Variants in OR1L8 observed in about 807,000 individuals in gnomAD.
The protein encoded by OR1L8 is olfactory receptor 1L8.
For synonymous variants in OR1L8, 148 were observed against 147.0 expected (o/e 1.01, Z -0.05); for missense variants, 330 against 377.4 (o/e 0.87, Z 1.04).
intron 1 of OR1L8, among the ~76,000 whole-genome samples, chr9:122,581,164 G>A (rs1473930916): frequency 6.6e-6 from 1 of 151,948 alleles, no homozygotes; most frequent in Non-Finnish European, 1.5e-5. Context: ...TCAGGAGATC[G>A]AGACCATCCT....
chr9:122,576,354 T>C (rs1243544853), intron 3 of OR1L8, among the ~76,000 whole-genome samples: 2 of 151,770 alleles, frequency 1.3e-5, no homozygotes, highest in Non-Finnish European at 2.9e-5. Flanking sequence ...CCCAAGTAGC[T>C]GGGATTACAG....
chr9:122,568,258 A>C lies in OR1L8; in HGVS notation c.220T>G (p.Phe74Val). The C allele has an allele frequency of 6.2e-7, 1 of 1,614,072 alleles. No individual in the cohort carries two copies. Among genetic ancestry groups the C allele is most frequent in the South Asian group, 1.1e-5 (1 of 91,064 alleles). ...LSFLSLTDIC[F>V]TTSVVPKMLM... ...ATCTTGGGGACAACGCTTGTTGTAAAGCAAATATCAGTGAGAGACAGAAAA... is the reference window on the plus strand; with the variant it reads ...ATCTTGGGGACAACGCTTGTTGTAACGCAAATATCAGTGAGAGACAGAAAA... The change falls in exon 5 of 5, where the codon TTT (phenylalanine) becomes GTT (valine). Residue 74 changes from phenylalanine to valine, a missense_variant. Coordinates refer to ENST00000641027, the MANE Select transcript of OR1L8 (RefSeq NM_001004454.2).
chr9:122,566,714 C>A (rs1239368276), downstream of OR1L8, among the ~76,000 whole-genome samples: 1 of 152,094 alleles, frequency 6.6e-6, no homozygotes, highest in East Asian at 1.9e-4. Context: ...ATTCAATACA[C>A]ATTTACAATA....
downstream of OR1L8, among the ~76,000 whole-genome samples, chr9:122,564,712 T>G (rs1008050952): frequency 6.6e-6 from 1 of 152,200 alleles, no homozygotes; most frequent in African/African-American, 2.4e-5. Flanking sequence ...AATTAACATT[T>G]CCTGGTACCT....
rs1829484404 is a variant in OR1L8 at position 122,568,690 on chromosome 9, C to A, written c.-212-1G>T. On this transcript the variant is annotated splice_acceptor_variant, in intron 4 of 4. Coordinates refer to ENST00000641027, the MANE Select transcript of OR1L8 (RefSeq NM_001004454.2). LOFTEE classifies it low-confidence loss of function (5UTR_SPLICE). ...CTCCATAAGGGCATTATATTGAAAT[C>A]TGGAGGGACAGAGGGAGAGTTTTCC... is the stretch of plus-strand genomic sequence containing the variant. 2 of 461,666 alleles carry A rather than the reference C, an allele frequency of 4.3e-6. No individual in the cohort carries two copies. The highest frequency in any genetic ancestry group is 7.5e-6 in the Non-Finnish European group (2 of 264,976). The allele number at this position is 461,666 out of a possible 1,614,324, so 28.6% of individuals were successfully genotyped here. A position where few individuals can be genotyped will look rare whatever the true frequency, so the allele number is the denominator to read the frequency against.
At chr9:122,547,032 G>A in the OR1L8 span, among the ~76,000 whole-genome samples, 1 of 151,818 alleles carries the variant, frequency 6.6e-6, no homozygotes, top group Non-Finnish European at 1.5e-5. Flanking sequence ...CAGTGGTATA[G>A]AACACTAGAA....
At position 122,568,092 on chromosome 9, in the gene OR1L8, T is replaced by G. The variant is rs1829468465; in HGVS notation, c.386A>C (p.Asp129Ala). 1 of 1,613,634 alleles carries G rather than the reference T, an allele frequency of 6.2e-7. No individual in the cohort carries two copies. Among genetic ancestry groups the G allele is most frequent in the Admixed American group, 1.7e-5 (1 of 59,974 alleles). The change falls in exon 5 of 5, where the codon GAC (aspartate) becomes GCC (alanine). Residue 129 changes from aspartate to alanine, a missense_variant. By Grantham distance (126) the Asp-to-Ala change is moderately radical. Coordinates refer to ENST00000641027, the MANE Select transcript of OR1L8 (RefSeq NM_001004454.2). ...CATGGTGGTGACATAGTGGAAAGGG[T>G]CACAGACGGCCACATAGCGGTCAAA... is the stretch of plus-strand genomic sequence containing the variant. ...MAFDRYVAVCDPFHYVTTMSH... is the reference protein window; with the variant it reads ...MAFDRYVAVCAPFHYVTTMSH...
chr9:122,565,517 C>T (rs1829413726), downstream of OR1L8, among the ~76,000 whole-genome samples: 1 of 152,226 alleles, frequency 6.6e-6, no homozygotes, highest in Non-Finnish European at 1.5e-5. Context: ...GACCTGGCCA[C>T]TGCCACCTTT....
Position 122,581,379 on chromosome 9 carries a change from A to C in OR1L8, c.-600+1942T>G, listed in dbSNP as rs1008135775. On this transcript the variant is annotated intron_variant, in intron 1 of 4. Transcript: ENST00000641027. ...GACTCCGTCTCAAAACAAAACAAAAAAAAAGTGACAAATATTATATTATGA... is the reference window on the plus strand; with the variant it reads ...GACTCCGTCTCAAAACAAAACAAAACAAAAGTGACAAATATTATATTATGA... Among the ~76,000 whole-genome samples, 59 of 152,188 alleles carry C rather than the reference A, an allele frequency of 3.9e-4. 1 individual carries two copies. Among genetic ancestry groups the C allele is most frequent in the African/African-American group, 1.0e-3 (42 of 41,512 alleles).
chr9:122,556,105 G>A, the OR1L8 span, among the ~76,000 whole-genome samples: 2 of 152,120 alleles, frequency 1.3e-5, no homozygotes, highest in East Asian at 1.9e-4. Context: ...TTCCCAGAAT[G>A]TTATGTAGTT....
chr9:122,567,786 G>A lies in OR1L8; in HGVS notation c.692C>T (p.Ser231Phe), dbSNP rs770325900. Residue 231 changes from serine (S) to phenylalanine (F), a missense_variant, in exon 5 of 5, where the codon TCT becomes TTT. Ser to Phe is a radical substitution (Grantham distance 155). Transcript: ENST00000641027. ...RILTTVLKIP[S>F]TSGKRKAFST... ...GAAGGCTTTGCGTTTCCCAGAAGTA[G>A]AGGGAATCTTGAGAACTGTAGTGAG... is the stretch of plus-strand genomic sequence containing the variant. 3 of 1,614,000 alleles carry A rather than the reference G, an allele frequency of 1.9e-6. No homozygotes were observed. Among genetic ancestry groups the A allele is most frequent in the Non-Finnish European group, 2.5e-6 (3 of 1,179,876 alleles).
intron 1 of OR1L8, among the ~76,000 whole-genome samples, chr9:122,582,648 A>G (rs1255501002): frequency 9.2e-5 from 14 of 152,132 alleles, no homozygotes; most frequent in Admixed American, 7.9e-4. Flanking sequence ...TGAGCCCAGG[A>G]GTTTGAGGCT....
the OR1L8 span, among the ~76,000 whole-genome samples, chr9:122,561,590 C>T: frequency 6.6e-6 from 1 of 152,076 alleles, no homozygotes; most frequent in African/African-American, 2.4e-5. Context: ...TCAGGTCCCT[C>T]TTCTGTAGGG....
the OR1L8 span, among the ~76,000 whole-genome samples, chr9:122,547,576 C>A: frequency 6.6e-6 from 1 of 151,572 alleles, no homozygotes; most frequent in Admixed American, 6.6e-5. Flanking sequence ...TATTCCACTT[C>A]TATGCCCAAC....
chr9:122,582,330 TA>T (rs1225759546), intron 1 of OR1L8, among the ~76,000 whole-genome samples: 1 of 152,116 alleles, frequency 6.6e-6, no homozygotes, highest in Admixed American at 6.5e-5. Flanking sequence ...TGGAATTAGG[TA>T]AAAGTAAACA....
At chr9:122,553,490 G>A in the OR1L8 span, 1 of 1,614,090 alleles carries the variant, frequency 6.2e-7, no homozygotes, top group Non-Finnish European at 8.5e-7. Context: ...CCCAGAGTCA[G>A]ATCATCTCGT....
At chr9:122,576,154 C>G (rs546186026) in intron 3 of OR1L8, among the ~76,000 whole-genome samples, 1 of 152,158 alleles carries the variant, frequency 6.6e-6, no homozygotes, top group Non-Finnish European at 1.5e-5. Context: ...TTGCTGTTGA[C>G]TTGTAAGAGT....
chr9:122,549,670 G>A, the OR1L8 span, among the ~76,000 whole-genome samples: 1 of 152,246 alleles, frequency 6.6e-6, no homozygotes, highest in Admixed American at 6.5e-5. Context: ...TCAGTTGGCT[G>A]TAAGTATGTG....
At chr9:122,577,535 G>C (rs2118744565) in intron 2 of OR1L8, among the ~76,000 whole-genome samples, 1 of 152,304 alleles carries the variant, frequency 6.6e-6, no homozygotes, top group South Asian at 2.1e-4. Flanking sequence ...CAGTAAGCAT[G>C]TGAACAAGTA....
Sources: gnomAD v4.1 joint callset for allele counts (sites outside exome capture counted in the v4.1 genomes callset) on GRCh38, gnomAD v4.1.1 for gene constraint, MANE v1.5 for transcripts, NCBI Gene and HGNC (gene_info 2026-07-23, HGNC 2026-07-21) for gene names.